Variants in FBXL5 observed in about 807,000 individuals in gnomAD.
The protein encoded by FBXL5 is F-box/LRR-repeat protein 5.
FBXL5 carries 26 observed loss-of-function variants against 78.3 expected under a neutral mutation model. The ratio of observed to expected loss-of-function variants is 0.33; its 90% CI spans 0.24 to 0.46. The LOEUF (loss-of-function observed/expected upper bound fraction) is 0.46, where lower values mean the gene tolerates loss of function less well. Among genes scored for constraint, FBXL5 ranks in the 20% least tolerant of loss-of-function variants. FBXL5 has a pLI of 1.00. For missense variants in FBXL5, 710 were observed against 829.2 expected (o/e 0.86, Z 1.77); for synonymous variants, 295 against 282.5 (o/e 1.04, Z -0.45).
intron 6 of FBXL5, among the ~76,000 whole-genome samples, 180 bp from the exon 7 acceptor site, chr4:15,628,213 C>T (rs1252806115): frequency 6.6e-6 from 1 of 152,024 alleles, no homozygotes; most frequent in Non-Finnish European, 1.5e-5. Flanking sequence ...CTGAAAAGAA[C>T]AGCAAAAGTT....
chr4:15,638,463 T>G (rs1714506509), intron 4 of FBXL5, 45 bp downstream of exon 4: 1 of 1,397,580 alleles, frequency 7.2e-7, no homozygotes, highest in Non-Finnish European at 9.6e-7. Context: ...AAGATGTCAA[T>G]GACCTTACAA....
At chr4:15,644,141 T>C (rs551510112) in intron 2 of FBXL5, among the ~76,000 whole-genome samples, 1 of 152,364 alleles carries the variant, frequency 6.6e-6, no homozygotes, top group South Asian at 2.1e-4. Context: ...TCCTTCAATA[T>C]GTTACTATCC....
At chr4:15,645,643 G>A (rs985399499) in intron 1 of FBXL5, among the ~76,000 whole-genome samples, 12 of 151,936 alleles carry the variant, frequency 7.9e-5, no homozygotes, top group African/African-American at 2.9e-4. Flanking sequence ...TGGCCAGGCT[G>A]GTCTTGAACT....
At chr4:15,607,672 C>CTAA (rs1036856868) in intron 10 of FBXL5, among the ~76,000 whole-genome samples, 32 of 152,202 alleles carry the variant, frequency 2.1e-4, no homozygotes, top group African/African-American at 7.0e-4. Flanking sequence ...TTTCCTCACC[C>CTAA]CTTACACTGC....
chr4:15,679,918 C>G (rs1438468762), intron 1 of FBXL5, among the ~76,000 whole-genome samples: 1 of 152,144 alleles, frequency 6.6e-6, no homozygotes, highest in Non-Finnish European at 1.5e-5. Flanking sequence ...GACAGTTACC[C>G]CTGCAAATGT....
intron 9 of FBXL5, among the ~76,000 whole-genome samples, chr4:15,618,015 C>A (rs1236216715): frequency 1.3e-5 from 2 of 152,034 alleles, no homozygotes; most frequent in Non-Finnish European, 2.9e-5. Context: ...GAAACATGGA[C>A]TAAATCCAAA....
At chr4:15,613,424 T>C (rs533061786) in intron 9 of FBXL5, among the ~76,000 whole-genome samples, 25 of 152,132 alleles carry the variant, frequency 1.6e-4, no homozygotes, top group Non-Finnish European at 2.6e-4. Context: ...TTTACATAAA[T>C]AGGATAAAAT....
chr4:15,667,491 C>T (rs62290595), intron 1 of FBXL5, among the ~76,000 whole-genome samples: 10,574 of 151,974 alleles, frequency 0.07, 479 homozygotes, highest in Middle Eastern at 0.099. Context: ...GAATAGTATT[C>T]CATTTGAATA....
intron 3 of FBXL5, among the ~76,000 whole-genome samples, chr4:15,639,411 C>G (rs561275933): frequency 6.6e-6 from 1 of 152,302 alleles, no homozygotes; most frequent in East Asian, 1.9e-4. Flanking sequence ...CCATAAAAGT[C>G]AGAACTCTAC....
At chr4:15,627,564 A>T (rs1417085164) in intron 7 of FBXL5, among the ~76,000 whole-genome samples, 1 of 152,214 alleles carries the variant, frequency 6.6e-6, no homozygotes, top group African/African-American at 2.4e-5. Context: ...TGCCCATCTT[A>T]CCATGCCTTA....
chr4:15,621,508 CAG>C (rs1265433304), intron 9 of FBXL5, among the ~76,000 whole-genome samples: 1 of 152,156 alleles, frequency 6.6e-6, no homozygotes, highest in East Asian at 1.9e-4. Flanking sequence ...GAAACAACCT[CAG>C]TGTTCATCAA....
intron 3 of FBXL5, among the ~76,000 whole-genome samples, chr4:15,639,646 C>G (rs1714634233): frequency 6.6e-6 from 1 of 152,106 alleles, no homozygotes; most frequent in Non-Finnish European, 1.5e-5. Context: ...GGATATCATA[C>G]AGTTAAAAAA....
upstream of FBXL5, chr4:15,655,530 G>C (rs978413822): frequency 3.6e-6 from 1 of 275,932 alleles, no homozygotes; most frequent in Non-Finnish European, 5.5e-6. Flanking sequence ...CACTCTTTTC[G>C]TTTTTTGTCG....
chr4:15,644,784 C>A, intron 1 of FBXL5, 76 bp from the exon 2 acceptor site: 1 of 1,048,932 alleles, frequency 9.5e-7, no homozygotes. Flanking sequence ...CAAATACATC[C>A]CTATTCACTT....
chr4:15,664,956 A>G (rs576933949), intron 1 of FBXL5, among the ~76,000 whole-genome samples: 1 of 152,196 alleles, frequency 6.6e-6, no homozygotes, highest in South Asian at 2.1e-4. Flanking sequence ...TGATTCATTA[A>G]GTTTAAGGTT....
chr4:15,641,492 T>C (rs777175015), intron 2 of FBXL5: 1 of 373,490 alleles, frequency 2.7e-6, no homozygotes, highest in Non-Finnish European at 5.2e-6. Flanking sequence ...TTCCGTATGA[T>C]GTTCTTAGTA....
At chr4:15,618,687 C>T (rs146039244) in intron 9 of FBXL5, among the ~76,000 whole-genome samples, 198 of 152,052 alleles carry the variant, frequency 1.3e-3, no homozygotes, top group African/African-American at 4.4e-3. Flanking sequence ...ACTAAAAATA[C>T]AAAAATTAGC....
At chr4:15,628,230 A>G (rs1420641602) in intron 6 of FBXL5, among the ~76,000 whole-genome samples, 197 bp from the exon 7 acceptor site, 2 of 152,222 alleles carry the variant, frequency 1.3e-5, no homozygotes, top group Non-Finnish European at 2.9e-5. Flanking sequence ...AGTTTTCAAG[A>G]GAAAAGAAAA....
intron 10 of FBXL5, among the ~76,000 whole-genome samples, chr4:15,607,001 T>C (rs547991341): frequency 2.0e-5 from 3 of 152,346 alleles, no homozygotes; most frequent in Admixed American, 1.3e-4. Context: ...CTTTTCCTTA[T>C]ATTCCCCAAA....
Sources: gnomAD v4.1 joint callset for allele counts (sites outside exome capture counted in the v4.1 genomes callset) on GRCh38, gnomAD v4.1.1 for gene constraint, MANE v1.5 for transcripts, NCBI Gene and HGNC (gene_info 2026-07-23, HGNC 2026-07-21) for gene names.